The following CCDC88A variants were observed in gnomAD, a reference collection of about 807,000 sequenced individuals.
The protein encoded by CCDC88A is girdin.
CCDC88A carries 54 observed loss-of-function variants against 234.3 expected under a neutral mutation model. That is an observed-to-expected ratio of 0.23 (90% confidence interval 0.19 to 0.29). The LOEUF is 0.29. Among genes scored for constraint, CCDC88A ranks in the 10% least tolerant of loss-of-function variants. The pLI, the probability that CCDC88A is intolerant of heterozygous loss-of-function variation, is 1.00. For missense variants in CCDC88A, 1,832 were observed against 2,123.4 expected, an observed-to-expected ratio of 0.86 and a Z score of 2.70; for synonymous variants, 753 against 737.8, an observed-to-expected ratio of 1.02 and a Z score of -0.33.
intron 32 of CCDC88A, 180 bp downstream of exon 32, chr2:55,291,496 A>G: frequency 2.6e-6 from 1 of 387,490 alleles, no homozygotes; most frequent in East Asian, 3.8e-5. Context: ...CCTTGCGCTG[A>G]CAGGTAAAAA....
chr2:55,304,902 C>T (rs370489003), intron 25 of CCDC88A, among the ~76,000 whole-genome samples: 9 of 152,190 alleles, frequency 5.9e-5, no homozygotes, highest in Admixed American at 2.6e-4. Flanking sequence ...TTGCTGTCAT[C>T]GTGTAAATAA....
intron 5 of CCDC88A, among the ~76,000 whole-genome samples, chr2:55,368,933 C>A (rs887253450): frequency 6.6e-6 from 1 of 152,196 alleles, no homozygotes; most frequent in African/African-American, 2.4e-5. Flanking sequence ...TAAGTATCAA[C>A]AAAGACTTCT....
At chr2:55,389,707 A>G (rs1054429082) in intron 2 of CCDC88A, among the ~76,000 whole-genome samples, 4 of 151,946 alleles carry the variant, frequency 2.6e-5, no homozygotes, top group Non-Finnish European at 5.9e-5. Context: ...ACAATTTTTG[A>G]TGTTGTGGGC....
At chr2:55,417,278 G>C (rs1049456614) in intron 2 of CCDC88A, 1 of 151,766 alleles carries the variant, frequency 6.6e-6, no homozygotes, top group Non-Finnish European at 1.5e-5. Flanking sequence ...CCCTATTTTT[G>C]TGAACACACA....
chr2:55,312,602 T>A (rs757572612), intron 22 of CCDC88A, 23 bp from the exon 23 acceptor site: 11 of 1,559,960 alleles, frequency 7.1e-6, no homozygotes, highest in East Asian at 6.8e-5. Flanking sequence ...AAACATTTTT[T>A]AAAAAATCAA....
intron 2 of CCDC88A, among the ~76,000 whole-genome samples, chr2:55,397,529 G>T (rs1199549828): frequency 2.8e-5 from 4 of 145,318 alleles, no homozygotes; most frequent in African/African-American, 5.4e-5. Context: ...GCATAATTTG[G>T]ATAATCCAAA....
chr2:55,317,663 T>G lies in CCDC88A; in HGVS notation c.3503A>C (p.Glu1168Ala). 1 of 1,613,550 alleles carries G rather than the reference T, an allele frequency of 6.2e-7. No individual in the cohort carries two copies. The highest frequency in any genetic ancestry group is 8.5e-7 in the Non-Finnish European group (1 of 1,179,620). The change falls in exon 20 of 33, where the codon GAA (glutamate) becomes GCA (alanine). Residue 1168 changes from glutamate to alanine, a missense_variant. Glu to Ala is a moderately radical substitution (Grantham distance 107). Transcript: ENST00000436346. This position sits in a 1 kb window ranked among gnomAD's most constrained non-coding sequence, Gnocchi z 4.2. ...AGATTCATACTCTGAAGCCTGACGT[T>G]CATGAAGAAGTTCCAGCTTTTCATG... The part of the protein sequence containing the change: ...KDHEKLELLH[E>A]RQASEYESLI...
At chr2:55,333,681 G>GGT (rs1184481148) in intron 15 of CCDC88A, among the ~76,000 whole-genome samples, 4 of 151,702 alleles carry the variant, frequency 2.6e-5, no homozygotes, top group Non-Finnish European at 5.9e-5. Context: ...TATATATTTG[G>GGT]GTGTGTGTGT....
chr2:55,393,184 T>C (rs1676929548), intron 2 of CCDC88A, among the ~76,000 whole-genome samples: 1 of 151,802 alleles, frequency 6.6e-6, no homozygotes, highest in Admixed American at 6.6e-5. Context: ...CTTACTTGGG[T>C]AAGAAAGTTT....
At chr2:55,339,407 TA>T in intron 13 of CCDC88A, 56 bp downstream of exon 13, 1 of 1,211,706 alleles carries the variant, frequency 8.3e-7, no homozygotes, top group Non-Finnish European at 1.1e-6. Context: ...ATGGGCTATT[TA>T]TTTACACTTT....
intron 29 of CCDC88A, among the ~76,000 whole-genome samples, chr2:55,298,765 C>T (rs750097538): frequency 1.3e-5 from 2 of 149,278 alleles, no homozygotes; most frequent in Non-Finnish European, 3.0e-5. Flanking sequence ...GTCCCAGTTA[C>T]GTGGGAGGCT....
At chr2:55,349,382 G>C in intron 9 of CCDC88A, 136 bp downstream of exon 9, 1 of 638,700 alleles carries the variant, frequency 1.6e-6, no homozygotes, top group Non-Finnish European at 2.7e-6. Flanking sequence ...CTCTGAAAAA[G>C]TCATCCAATC....
intron 2 of CCDC88A, among the ~76,000 whole-genome samples, chr2:55,393,535 C>T (rs1027463081): frequency 2.0e-5 from 3 of 151,908 alleles, no homozygotes; most frequent in African/African-American, 7.3e-5. Flanking sequence ...CTCAAGTGAT[C>T]CACCTACCTC....
chr2:55,389,136 T>C (rs1212371949), intron 2 of CCDC88A, among the ~76,000 whole-genome samples: 1 of 152,220 alleles, frequency 6.6e-6, no homozygotes, highest in East Asian at 1.9e-4. Context: ...TTGCCTTTCA[T>C]TGTCATGTTG....
chr2:55,366,574 CACAA>C (rs1206708112), intron 5 of CCDC88A, among the ~76,000 whole-genome samples: 1 of 139,990 alleles, frequency 7.1e-6, no homozygotes, highest in South Asian at 2.3e-4. Flanking sequence ...CACACACACA[CACAA>C]GATATGATGT....
chr2:55,401,760 G>C (rs191013417), intron 2 of CCDC88A, among the ~76,000 whole-genome samples: 2 of 151,628 alleles, frequency 1.3e-5, no homozygotes, highest in Admixed American at 6.6e-5. Context: ...TCATGTTTTT[G>C]TTCTCATAAT....
chr2:55,344,231 G>T (rs371247055), intron 11 of CCDC88A, 137 bp downstream of exon 11: 2 of 466,432 alleles, frequency 4.3e-6, no homozygotes, highest in Non-Finnish European at 7.4e-6. Context: ...AAAGTTGGAG[G>T]CATCTAATTT....
chr2:55,354,915 CT>C (rs1250494222), intron 8 of CCDC88A, among the ~76,000 whole-genome samples: 3 of 150,566 alleles, frequency 2.0e-5, no homozygotes, highest in Admixed American at 6.7e-5. Context: ...TACTTTTAAA[CT>C]TTTTTGTTAA....
intron 25 of CCDC88A, among the ~76,000 whole-genome samples, chr2:55,307,305 T>A (rs938383163): frequency 6.6e-6 from 1 of 152,182 alleles, no homozygotes; most frequent in African/African-American, 2.4e-5. Flanking sequence ...ACTTCTAAAT[T>A]TGTAATAAAA....
Sources: allele counts gnomAD v4.1 joint callset (sites outside exome capture counted in the v4.1 genomes callset), GRCh38; gene constraint gnomAD v4.1.1; non-coding constraint Gnocchi (gnomAD v3.1); transcripts MANE v1.5; gene names NCBI Gene and HGNC (gene_info 2026-07-23, HGNC 2026-07-21).